The following PFKFB3 variants were observed in gnomAD, a reference collection of about 807,000 sequenced individuals.
The protein encoded by PFKFB3 is 6-phosphofructo-2-kinase/fructose-2,6-biphosphatase 3.
PFKFB3 carries 33 observed loss-of-function variants against 68.0 expected under a neutral mutation model. The observed-to-expected ratio is 0.49, with a 90% CI of 0.37 to 0.65. The LOEUF (loss-of-function observed/expected upper bound fraction) is 0.65. PFKFB3 is among the 30% of genes least tolerant of loss of function. PFKFB3 has a pLI of 0.00. For synonymous variants in PFKFB3, 315 were observed against 288.2 expected, an observed-to-expected ratio of 1.09 and a Z score of -0.94; for missense variants, 586 against 712.2, an observed-to-expected ratio of 0.82 and a Z score of 2.02.
rs908228157 is a variant in PFKFB3 at position 6,233,617 on chromosome 10, C to G, written c.*675C>G. The stretch of plus-strand genomic sequence containing the variant: ...GATGTGCAAGGGCAGGCTGGCTGCA[C>G]GGGGAGAGGGAAGTATTTTGCCGAA... On this transcript the variant is annotated 3_prime_UTR_variant, in exon 15 of 15. Transcript: ENST00000379775. The G allele has an allele frequency of 2.0e-5, 3 of 152,770 alleles. No individual in the cohort carries two copies. Among genetic ancestry groups the G allele is most frequent in the African/African-American group, 7.2e-5 (3 of 41,466 alleles). 9.5% of individuals were successfully genotyped at this position (152,770 alleles called of 1,614,324 possible).
At chr10:6,194,875 T>A (rs1843133474) in intron 1 of PFKFB3, among the ~76,000 whole-genome samples, 1 of 136,126 alleles carries the variant, frequency 7.3e-6, no homozygotes, top group African/African-American at 2.5e-5. Flanking sequence ...CTTTTCTTTT[T>A]TCTTTTTTTT....
At chr10:6,176,078 AGT>A (rs1161934498) in intron 1 of PFKFB3, among the ~76,000 whole-genome samples, 1 of 152,234 alleles carries the variant, frequency 6.6e-6, no homozygotes, top group Admixed American at 6.5e-5. Flanking sequence ...ACGTTCCATC[AGT>A]GTGGAGAAGT....
At position 6,229,258 on chromosome 10, in the gene PFKFB3, T is replaced by C; in HGVS notation, c.1515+2893T>C. On this transcript the variant is annotated intron_variant, in intron 14 of 14. Transcript: ENST00000379775. This position sits in a 1 kb window ranked among gnomAD's most constrained non-coding sequence, Gnocchi z 4.3. The stretch of plus-strand genomic sequence containing the variant: ...GTACCAGTGTCCTCCATGTCCACGT[T>C]CCTTAAGACCACCCTGGGAGGTCGG... 2.2e-6 allele frequency: 1 copy of C among 462,322 alleles called. No individual in the cohort carries two copies. The highest frequency in any genetic ancestry group is 2.4e-5 in the Admixed American group (1 of 42,232). 28.6% of individuals were successfully genotyped at this position (462,322 alleles called of 1,614,324 possible).
At chr10:6,221,007 C>T (rs547344729) in intron 8 of PFKFB3, 142 bp downstream of exon 8, 41 of 788,492 alleles carry the variant, frequency 5.2e-5, no homozygotes, top group African/African-American at 4.8e-4. Flanking sequence ...GTGTGTGCGC[C>T]TGCACGTCTC....
intron 1 of PFKFB3, among the ~76,000 whole-genome samples, chr10:6,151,538 C>T (rs369463635): frequency 2.0e-5 from 3 of 152,044 alleles, no homozygotes; most frequent in Admixed American, 6.6e-5. Flanking sequence ...GACAACTGTG[C>T]TTTCTTAGGG....
At chr10:6,226,792 C>A (rs573709522) in intron 14 of PFKFB3, among the ~76,000 whole-genome samples, 22 of 152,254 alleles carry the variant, frequency 1.4e-4, no homozygotes, top group African/African-American at 5.3e-4. Flanking sequence ...TAGTAAAAAA[C>A]CTAACAAACA....
chr10:6,177,376 CTTTCTTTCTTTCTTT>C (rs1564599435), intron 1 of PFKFB3, among the ~76,000 whole-genome samples: 2 of 109,088 alleles, frequency 1.8e-5, no homozygotes, highest in East Asian at 4.5e-4. Context: ...TTCTTTCTTT[CTTTCTTTCTTTCTTT>C]CTTTCTTTCT....
At chr10:6,248,309 C>G (rs1283702372) in intron 14 of PFKFB3, among the ~76,000 whole-genome samples, 1 of 152,120 alleles carries the variant, frequency 6.6e-6, no homozygotes, top group Non-Finnish European at 1.5e-5. Flanking sequence ...ATGCATTTCT[C>G]AAACCACTCT....
chr10:6,295,932 C>G, the PFKFB3 span, among the ~76,000 whole-genome samples: 2 of 152,208 alleles, frequency 1.3e-5, no homozygotes, highest in East Asian at 3.8e-4. Context: ...TTTCAATTCT[C>G]AAGCTAGTTT....
the PFKFB3 span, among the ~76,000 whole-genome samples, chr10:6,325,461 T>A: frequency 3.3e-5 from 5 of 152,326 alleles, no homozygotes; most frequent in South Asian, 1.0e-3. Flanking sequence ...GTTATGTTGT[T>A]GAGATCACAC....
chr10:6,221,881 C>A, intron 10 of PFKFB3, 136 bp downstream of exon 10: 6 of 622,370 alleles, frequency 9.6e-6, no homozygotes, highest in Non-Finnish European at 1.7e-5. Flanking sequence ...GGAACTGAGT[C>A]CCCCCAAACT....
chr10:6,263,659 G>A, the PFKFB3 span, among the ~76,000 whole-genome samples: 1 of 152,318 alleles, frequency 6.6e-6, no homozygotes, highest in Middle Eastern at 3.4e-3. Context: ...TGTGGGTGTG[G>A]AGCTGAGAGA....
chr10:6,216,090 G>T, intron 3 of PFKFB3, 35 bp from the exon 4 acceptor site: 1 of 1,601,004 alleles, frequency 6.2e-7, no homozygotes, highest in Non-Finnish European at 8.6e-7. Context: ...GGATGCACCG[G>T]CGCTGACATT....
intron 14 of PFKFB3, chr10:6,231,286 C>T: frequency 1.9e-6 from 3 of 1,612,034 alleles, no homozygotes; most frequent in South Asian, 1.1e-5. Context: ...CACATTTTCT[C>T]AAAGTTTTCT....
Position 6,203,156 on chromosome 10 carries a change from G to C in PFKFB3, c.-105G>C, listed in dbSNP as rs866603393. 2 of 1,509,458 alleles carry C rather than the reference G, an allele frequency of 1.3e-6. No individual in the cohort carries two copies. The highest frequency in any genetic ancestry group is 2.2e-4 in the Middle Eastern group (1 of 4,544). 93.5% of individuals were successfully genotyped at this position (1,509,458 alleles called of 1,614,324 possible). A position where few individuals can be genotyped will look rare whatever the true frequency, so the allele number is the denominator to read the frequency against. On this transcript the variant is annotated 5_prime_UTR_variant, in exon 1 of 15. Coordinates refer to ENST00000379775, the MANE Select transcript of PFKFB3 (RefSeq NM_004566.4). The stretch of plus-strand genomic sequence containing the variant: ...GCAGGAAACGCCCGGCCGCGCGCCG[G>C]CGCACGCCCCCCTCTCCTCCTTTGT...
intron 1 of PFKFB3, among the ~76,000 whole-genome samples, chr10:6,164,554 A>G (rs916717003): frequency 1.3e-5 from 2 of 152,182 alleles, no homozygotes; most frequent in African/African-American, 4.8e-5. Context: ...GAGAAAAGAA[A>G]TAAGACACAA....
the PFKFB3 span, chr10:6,294,490 G>A: frequency 1.8e-5 from 4 of 222,180 alleles, no homozygotes; most frequent in South Asian, 6.6e-5. Flanking sequence ...AGACTTATTC[G>A]CTATCACAAG....
chr10:6,260,024 T>C, the PFKFB3 span, among the ~76,000 whole-genome samples: 21 of 152,206 alleles, frequency 1.4e-4, no homozygotes, highest in Non-Finnish European at 1.5e-4. Context: ...AATCTTTTTA[T>C]GGTGAAGTAC....
chr10:6,255,811 G>T (rs1269790555), downstream of PFKFB3, among the ~76,000 whole-genome samples: 2 of 152,188 alleles, frequency 1.3e-5, no homozygotes, highest in African/African-American at 2.4e-5. Context: ...GTACCCAGCT[G>T]CCTCCTCTTC....
Sources: allele counts gnomAD v4.1 joint callset (sites outside exome capture counted in the v4.1 genomes callset), GRCh38; gene constraint gnomAD v4.1.1; non-coding constraint Gnocchi (gnomAD v3.1); transcripts MANE v1.5; gene names NCBI Gene and HGNC (gene_info 2026-07-23, HGNC 2026-07-21).